SYT16: variants seen among roughly 807,000 people sequenced by gnomAD.
SYT16 encodes synaptotagmin-16.
Under a neutral mutation model 61.4 loss-of-function variants are expected in SYT16, and 42 were observed. That is an observed-to-expected ratio of 0.68 (90% CI 0.53 to 0.89). The LOEUF is 0.89. Ranked by LOEUF, SYT16 falls within the 40% of genes least tolerant of loss-of-function variation. The pLI is 0.00. For synonymous variants in SYT16, 314 were observed against 302.3 expected (o/e 1.04, Z -0.40); for missense variants, 804 against 807.3 (o/e 1.00, Z 0.05).
intron 1 of SYT16, among the ~76,000 whole-genome samples, chr14:61,939,149 A>G (rs1390326116): frequency 4.6e-5 from 7 of 152,128 alleles, no homozygotes; most frequent in Non-Finnish European, 1.0e-4. Flanking sequence ...AAAAACAAAA[A>G]CAAAAAAACC....
chr14:62,064,035 C>T (rs8004553), intron 3 of SYT16, among the ~76,000 whole-genome samples: 43,553 of 151,922 alleles, frequency 0.29, 6,363 homozygotes, highest in South Asian at 0.34. Flanking sequence ...AATTGTGTAA[C>T]TTTTTTTCTG....
intron 1 of SYT16, among the ~76,000 whole-genome samples, chr14:61,954,632 CAG>C (rs1301170744): frequency 6.6e-6 from 1 of 152,096 alleles, no homozygotes; most frequent in Non-Finnish European, 1.5e-5. Flanking sequence ...TCATCTATAG[CAG>C]ATGATATATA....
chr14:61,996,010 A>C lies in SYT16; in HGVS notation c.-10A>C, dbSNP rs767269124. On this transcript the variant is annotated 5_prime_UTR_variant, in exon 3 of 8. Coordinates refer to ENST00000683842, the MANE Select transcript of SYT16 (RefSeq NM_001367656.1). ...AACAACTGGACACTGTAGACATCAG[A>C]TAGCTGGCCATGGTGTTGGCCATGG... is the stretch of plus-strand genomic sequence containing the variant. 4.1e-5 allele frequency: 65 copies of C among 1,571,754 alleles called. No individual in the cohort carries two copies. The highest frequency in any genetic ancestry group is 5.2e-6 in the Non-Finnish European group (6 of 1,159,730).
rs1023485485 is a variant in SYT16 at position 62,102,970 on chromosome 14, C to A, written c.*2263C>A. 6.6e-6 allele frequency: 1 copy of A among 152,094 alleles called. No homozygotes were observed. Among genetic ancestry groups the A allele is most frequent in the Non-Finnish European group, 1.5e-5 (1 of 68,012 alleles). 9.4% of individuals were successfully genotyped at this position (152,094 alleles called of 1,614,324 possible). A position where few individuals can be genotyped will look rare whatever the true frequency, so the allele number is the denominator to read the frequency against. On this transcript the variant is annotated 3_prime_UTR_variant, in exon 8 of 8. Transcript: ENST00000683842. Reference sequence around the variant, plus strand: ...CGCACCATTTTAAGGGAAGGAATGCCTGAAAACATTTTTTATTTTTATAAT... The same window carrying A: ...CGCACCATTTTAAGGGAAGGAATGCATGAAAACATTTTTTATTTTTATAAT...
At chr14:62,013,554 G>A (rs1419446274) in intron 3 of SYT16, among the ~76,000 whole-genome samples, 1 of 152,040 alleles carries the variant, frequency 6.6e-6, no homozygotes, top group Non-Finnish European at 1.5e-5. Context: ...CACTCCCATG[G>A]GCATGTTTTT....
chr14:62,016,037 C>T (rs7161566), intron 3 of SYT16, among the ~76,000 whole-genome samples: 29,779 of 152,076 alleles, frequency 0.2, 3,853 homozygotes, highest in East Asian at 0.57. Flanking sequence ...TCACCGTTAC[C>T]GTGAACAGCT....
chr14:62,045,199 T>C (rs1187304272), intron 3 of SYT16, among the ~76,000 whole-genome samples: 1 of 152,122 alleles, frequency 6.6e-6, no homozygotes, highest in East Asian at 1.9e-4. Flanking sequence ...GTTTAGGATA[T>C]TTGCTACTAG....
At chr14:62,089,514 T>A (rs1458738413) in intron 7 of SYT16, among the ~76,000 whole-genome samples, 9 of 152,074 alleles carry the variant, frequency 5.9e-5, no homozygotes, top group African/African-American at 1.7e-4. Flanking sequence ...TGTGATTTTT[T>A]AAAAAAAATC....
At position 62,084,260 on chromosome 14, in the gene SYT16, C is replaced by T. The variant is rs1406155663; in HGVS notation, c.1499C>T (p.Ser500Leu). The T allele has an allele frequency of 1.1e-5, 17 of 1,613,828 alleles. 1 individual carries two copies. Among genetic ancestry groups the T allele is most frequent in the South Asian group, 5.5e-5 (5 of 91,066 alleles). Residue 500 changes from serine to leucine, a missense_variant, in exon 7 of 8, where the codon TCG becomes TTG. Transcript: ENST00000683842. ...AGTGATAGTACTTCATCCACGCAGT[C>T]GCTGTCTCATGGAGGGGCGCCAGAG... is the stretch of plus-strand genomic sequence containing the variant. ...SHSDSTSSTQ[S>L]LSHGGAPELL...
intron 1 of SYT16, among the ~76,000 whole-genome samples, chr14:61,967,143 G>A (rs1247500160): frequency 6.6e-6 from 1 of 152,144 alleles, no homozygotes; most frequent in African/African-American, 2.4e-5. Context: ...AGTTGTCCCA[G>A]GGAGTTGAAA....
intron 1 of SYT16, among the ~76,000 whole-genome samples, chr14:61,905,963 G>T (rs2048694304): frequency 6.6e-6 from 1 of 152,018 alleles, no homozygotes; most frequent in Non-Finnish European, 1.5e-5. Context: ...CACCACGTTG[G>T]CCAGGATGGT....
At chr14:62,089,081 G>A (rs573170187) in intron 7 of SYT16, among the ~76,000 whole-genome samples, 1 of 152,138 alleles carries the variant, frequency 6.6e-6, no homozygotes, top group South Asian at 2.1e-4. Context: ...ACTTTGGGGG[G>A]CCCAGGTGGG....
intron 1 of SYT16, among the ~76,000 whole-genome samples, chr14:61,858,279 C>T (rs2046848170): frequency 6.6e-6 from 1 of 152,076 alleles, no homozygotes. Flanking sequence ...CTTTTCCACC[C>T]AGAAGTTAGG....
At chr14:61,835,877 C>G in intron 1 of SYT16, among the ~76,000 whole-genome samples, 1 of 152,280 alleles carries the variant, frequency 6.6e-6, no homozygotes, top group South Asian at 2.1e-4. Context: ...ACCTGGCTCA[C>G]AGAAACTTTT....
chr14:61,925,452 A>ATTTGC (rs1481182151), intron 1 of SYT16, among the ~76,000 whole-genome samples: 4 of 152,212 alleles, frequency 2.6e-5, no homozygotes, highest in Non-Finnish European at 5.9e-5. Context: ...GTGTATTAGC[A>ATTTGC]TTTGCTTTTA....
Position 62,109,701 on chromosome 14 carries a change from C to T in SYT16, c.*8994C>T, listed in dbSNP as rs2057573953. 1 of 152,060 alleles carries T rather than the reference C, an allele frequency of 6.6e-6. No individual in the cohort carries two copies. The highest frequency in any genetic ancestry group is 1.5e-5 in the Non-Finnish European group (1 of 67,998). 9.4% of individuals were successfully genotyped at this position (152,060 alleles called of 1,614,324 possible). On this transcript the variant is annotated 3_prime_UTR_variant, in exon 8 of 8. Transcript: ENST00000683842. ...GAAGACGTGATCCCAAATTTAGTGA[C>T]TCTGTAGTGTCTTTTGTTGAGCAAT...
chr14:61,940,822 C>T (rs141678341), intron 1 of SYT16, among the ~76,000 whole-genome samples: 85 of 152,168 alleles, frequency 5.6e-4, no homozygotes, highest in African/African-American at 1.0e-3. Context: ...CTCTTCAGAC[C>T]GGCTGTTCCT....
At chr14:62,068,014 C>T (rs1320972595) in intron 3 of SYT16, among the ~76,000 whole-genome samples, 1 of 151,934 alleles carries the variant, frequency 6.6e-6, no homozygotes, top group African/African-American at 2.4e-5. Context: ...TAATAATATA[C>T]TACTATATGA....
At chr14:62,071,567 A>T (rs566433983) in intron 4 of SYT16, among the ~76,000 whole-genome samples, 4 of 152,278 alleles carry the variant, frequency 2.6e-5, no homozygotes, top group Admixed American at 2.6e-4. Flanking sequence ...CACATGCCAA[A>T]CTTTAGGTTA....
Sources: allele counts gnomAD v4.1 joint callset (sites outside exome capture counted in the v4.1 genomes callset), GRCh38; gene constraint gnomAD v4.1.1; transcripts MANE v1.5; gene names NCBI Gene and HGNC (gene_info 2026-07-23, HGNC 2026-07-21).